The following ZNF14 variants were observed in gnomAD, a reference collection of about 807,000 sequenced individuals.
ZNF14 encodes gonadotropin inducible transcription repressor-4.
A neutral mutation model predicts 11.3 loss-of-function variants in ZNF14; 9 were observed. That is an observed-to-expected ratio of 0.80 (90% confidence interval 0.48 to 1.39). The LOEUF (loss-of-function observed/expected upper bound fraction) is 1.39. Among genes scored for constraint, ZNF14 ranks in the 40% most tolerant of loss-of-function variants. ZNF14 has a pLI of 0.00. For synonymous variants in ZNF14, 239 were observed against 245.7 expected, an observed-to-expected ratio of 0.97 and a Z score of 0.25; for missense variants, 711 against 763.9, an observed-to-expected ratio of 0.93 and a Z score of 0.82.
At chr19:19,721,118 C>T (rs146408044) in intron 1 of ZNF14, among the ~76,000 whole-genome samples, 1,955 of 152,132 alleles carry the variant, frequency 0.013, 53 homozygotes, top group African/African-American at 0.045. Context: ...CCACCATGCC[C>T]GGCTAATTTT....
intron 1 of ZNF14, among the ~76,000 whole-genome samples, chr19:19,726,854 A>C (rs1268925305): frequency 1.5e-5 from 2 of 132,890 alleles, no homozygotes; most frequent in African/African-American, 5.5e-5. Flanking sequence ...TAGCAGTGAA[A>C]GAGGCTCCGT....
chr19:19,713,943 C>A, intron 3 of ZNF14, 148 bp downstream of exon 3: 1 of 707,566 alleles, frequency 1.4e-6, no homozygotes, highest in East Asian at 2.7e-5. Context: ...TTATTTTTCA[C>A]ATCCTGAACA....
At chr19:19,716,341 T>A (rs1033482026) in intron 1 of ZNF14, among the ~76,000 whole-genome samples, 1 of 152,200 alleles carries the variant, frequency 6.6e-6, no homozygotes, top group African/African-American at 2.4e-5. Flanking sequence ...CAGGTTGGAG[T>A]GCTGTAGCGT....
chr19:19,712,930 G>T lies in ZNF14; in HGVS notation c.351C>A (p.Ser117=), dbSNP rs750993984. 3.2e-5 allele frequency: 51 copies of T among 1,613,922 alleles called. No homozygotes were observed. In the East Asian group the frequency reaches 1.1e-3, roughly 36 times the overall value. The change falls in exon 4 of 4, where the codon TCC becomes TCA. Residue 117 remains serine, a synonymous_variant. Coordinates refer to ENST00000344099, the MANE Select transcript of ZNF14 (RefSeq NM_021030.3). The stretch of plus-strand genomic sequence containing the variant: ...TGTGAGATCTCATGTGCCTATTAAG[G>T]GACGAATGATGAATGAAGTCTCTTC... ...FCGRDFIHHS[S]LNRHMRSHTG... is the part of the protein sequence containing the mutation.
chr19:19,730,017 G>T (rs2062418650), intron 1 of ZNF14, among the ~76,000 whole-genome samples: 1 of 152,076 alleles, frequency 6.6e-6, no homozygotes, highest in African/African-American at 2.4e-5. Context: ...TACAATATAT[G>T]CAAACTACCT....
intron 1 of ZNF14, among the ~76,000 whole-genome samples, chr19:19,714,707 C>CTT (rs1331151314): frequency 5.2e-5 from 6 of 115,682 alleles, no homozygotes; most frequent in African/African-American, 1.5e-4. Context: ...TTTCCTTTTT[C>CTT]TTTTTCTTTT....
chr19:19,721,962 CAAAA>C (rs36021998), intron 1 of ZNF14, among the ~76,000 whole-genome samples: 6 of 107,174 alleles, frequency 5.6e-5, no homozygotes, highest in Admixed American at 1.0e-4. Flanking sequence ...GACTCAGTCT[CAAAA>C]AAAAAAAAAA....
chr19:19,719,795 C>A (rs1292573496), intron 1 of ZNF14, among the ~76,000 whole-genome samples: 1 of 152,022 alleles, frequency 6.6e-6, no homozygotes, highest in Non-Finnish European at 1.5e-5. Flanking sequence ...AAATGGTGGA[C>A]AGATACTGTC....
intron 1 of ZNF14, among the ~76,000 whole-genome samples, chr19:19,721,919 C>T (rs929990542): frequency 4.7e-5 from 7 of 149,570 alleles, no homozygotes; most frequent in Admixed American, 6.7e-5. Context: ...GCCAACATTG[C>T]GCCATTGCAC....
intron 1 of ZNF14, among the ~76,000 whole-genome samples, chr19:19,716,251 T>A (rs1163468277): frequency 1.3e-5 from 2 of 152,070 alleles, no homozygotes; most frequent in Non-Finnish European, 2.9e-5. Context: ...GGATGTAGGG[T>A]ACATAGTAGA....
At chr19:19,714,713 C>CTTTTCT (rs1555761423) in intron 1 of ZNF14, among the ~76,000 whole-genome samples, 1 of 122,850 alleles carries the variant, frequency 8.1e-6, no homozygotes, top group African/African-American at 3.0e-5. Context: ...TTTTCTTTTT[C>CTTTTCT]TTTTTTTTTT....
intron 1 of ZNF14, among the ~76,000 whole-genome samples, chr19:19,723,197 T>C (rs950026381): frequency 6.6e-6 from 1 of 152,330 alleles, no homozygotes; most frequent in Non-Finnish European, 1.5e-5. Flanking sequence ...CCATTCAGTA[T>C]GATATTGGCT....
chr19:19,728,987 C>G (rs1168348467), intron 1 of ZNF14, among the ~76,000 whole-genome samples: 1 of 152,068 alleles, frequency 6.6e-6, no homozygotes, highest in African/African-American at 2.4e-5. Flanking sequence ...TAATCTTTTC[C>G]CCCCGACAAG....
rs200694997 is a variant in ZNF14 at position 19,712,573 on chromosome 19, T to A, written c.708A>T (p.Gln236His). The A allele has an allele frequency of 3.1e-6, 5 of 1,612,680 alleles. No individual in the cohort carries two copies. Among genetic ancestry groups the A allele is most frequent in the Non-Finnish European group, 3.4e-6 (4 of 1,179,648 alleles). Reference sequence around the variant, plus strand: ...GAGTCCTTTTGTGTCTTTGAAAAGATTGGTAACATATAAAGGCTTTCCCAC... The same window carrying A: ...GAGTCCTTTTGTGTCTTTGAAAAGAATGGTAACATATAAAGGCTTTCCCAC... ...KQCGKAFICY[Q>H]SFQRHKRTHT... Residue 236 changes from glutamine to histidine, a missense_variant, in exon 4 of 4, where the codon CAA (glutamine) becomes CAT (histidine). Coordinates refer to ENST00000344099, the MANE Select transcript of ZNF14 (RefSeq NM_021030.3).
chr19:19,732,841 C>T (rs953216837), intron 1 of ZNF14, 115 bp downstream of exon 1: 72 of 1,413,406 alleles, frequency 5.1e-5, no homozygotes, highest in Non-Finnish European at 6.8e-5. Context: ...GAACTGCGCC[C>T]GCGGTGGCCC....
At chr19:19,729,373 T>G (rs946023177) in intron 1 of ZNF14, among the ~76,000 whole-genome samples, 1 of 150,744 alleles carries the variant, frequency 6.6e-6, no homozygotes, top group Non-Finnish European at 1.5e-5. Flanking sequence ...TGGAGTGCAA[T>G]GGCGCAATCT....
In ZNF14 at chr19:19,711,709, A is replaced by G; in HGVS notation, c.1572T>C (p.Ile524=). The G allele has an allele frequency of 6.2e-7, 1 of 1,614,072 alleles. No individual in the cohort carries two copies. ...FSSSLREHEK[I]HTGNKPFECK... Reference sequence around the variant, plus strand: ...ACTCAAAAGGCTTATTTCCAGTGTGAATTTTTTCATGTTCTCGAAGGGAAC... The same window carrying G: ...ACTCAAAAGGCTTATTTCCAGTGTGGATTTTTTCATGTTCTCGAAGGGAAC... Residue 524 remains isoleucine, a synonymous_variant, in exon 4 of 4, where the codon ATT becomes ATC. Transcript: ENST00000344099.
intron 1 of ZNF14, among the ~76,000 whole-genome samples, chr19:19,715,721 G>C (rs1372717865): frequency 2.0e-5 from 3 of 152,182 alleles, no homozygotes; most frequent in Non-Finnish European, 4.4e-5. Context: ...ACTAGCTACA[G>C]AAAAATAGGC....
rs1040527873 is a variant in ZNF14 at position 19,723,710 on chromosome 19, T to C, written c.4-9223A>G. ...AGAATCTGGCTGTGAATCCATCTGG[T>C]CCTGGGCTTTTTTTGGTTGGTACGC... On this transcript the variant is annotated intron_variant, in intron 1 of 3. Transcript: ENST00000344099. 4.5e-5 allele frequency among the ~76,000 whole-genome samples: 6 copies of C among 132,816 alleles called. 1 individual carries two copies. 87.1% of individuals were successfully genotyped at this position (132,816 alleles called of 152,430 possible).
Sources: allele counts gnomAD v4.1 joint callset (sites outside exome capture counted in the v4.1 genomes callset), GRCh38; gene constraint gnomAD v4.1.1; transcripts MANE v1.5; gene names NCBI Gene and HGNC (gene_info 2026-07-23, HGNC 2026-07-21).